MCM9: variants seen among roughly 807,000 people sequenced by gnomAD.
The protein encoded by MCM9 is minichromosome maintenance 9 homologous recombination repair factor.
MCM9 carries 55 observed loss-of-function variants against 72.8 expected under a neutral mutation model. The ratio of observed to expected loss-of-function variants is 0.76; its 90% CI spans 0.61 to 0.95. The LOEUF (loss-of-function observed/expected upper bound fraction) is 0.95, where lower values mean the gene tolerates loss of function less well. MCM9 is among the 40% of genes least tolerant of loss of function. The pLI, the probability that MCM9 is intolerant of heterozygous loss-of-function variation, is 0.00. For missense variants in MCM9, 1,279 were observed against 1,377.0 expected, an observed-to-expected ratio of 0.93 and a Z score of 1.13; for synonymous variants, 480 against 503.4, an observed-to-expected ratio of 0.95 and a Z score of 0.62.
intron 9 of MCM9, among the ~76,000 whole-genome samples, chr6:118,849,929 A>AT (rs1776117357): frequency 6.6e-6 from 1 of 151,912 alleles, no homozygotes; most frequent in Non-Finnish European, 1.5e-5. Flanking sequence ...ATGAATATCT[A>AT]TCAGGGATGG....
In MCM9 at chr6:118,815,756, C is replaced by G. The variant is rs1438947797; in HGVS notation, c.2500G>C (p.Asp834His). The G allele has an allele frequency of 6.5e-7, 1 of 1,542,600 alleles. No homozygotes were observed. Among genetic ancestry groups the G allele is most frequent in the Non-Finnish European group, 8.7e-7 (1 of 1,146,998 alleles). ...ALDSEAAVSA[D>H]KPDSVLTHHV... ...TGAGTCAGTACTGAGTCTGGTTTAT[C>G]AGCAGAGACTGCTGCTTCAGAATCT... Residue 834 changes from aspartate to histidine, a missense_variant, in exon 14 of 14, where the codon GAT (aspartate) becomes CAT (histidine). Coordinates refer to ENST00000619706, the MANE Select transcript of MCM9 (RefSeq NM_017696.3).
intron 3 of MCM9, among the ~76,000 whole-genome samples, chr6:118,930,096 TTTA>T (rs1782265421): frequency 1.0e-5 from 1 of 96,982 alleles, no homozygotes; most frequent in African/African-American, 3.1e-5. Context: ...TATTTATTTA[TTTA>T]TTTATTTATT....
intron 4 of MCM9, among the ~76,000 whole-genome samples, chr6:118,922,686 T>C (rs1038754117): frequency 3.9e-5 from 6 of 152,218 alleles, no homozygotes; most frequent in Non-Finnish European, 8.8e-5. Flanking sequence ...GTGATGGAGT[T>C]GTAGCCAGCA....
In MCM9 at chr6:118,935,084, C is replaced by T. The variant is rs1383763144; in HGVS notation, c.-343G>A. ...GTCGGGCGGCCTAGCGCCTGCGGCT[C>T]TGCCGGGCCTGCGCTCTCGACCGAC... On this transcript the variant is annotated 5_prime_UTR_variant, in exon 1 of 14. Coordinates refer to ENST00000619706, the MANE Select transcript of MCM9 (RefSeq NM_017696.3). 6.6e-6 allele frequency: 1 copy of T among 152,106 alleles called. No individual in the cohort carries two copies. The highest frequency in any genetic ancestry group is 1.5e-5 in the Non-Finnish European group (1 of 68,012). 9.4% of individuals were successfully genotyped at this position (152,106 alleles called of 1,614,324 possible).
intron 8 of MCM9, among the ~76,000 whole-genome samples, chr6:118,890,683 C>T (rs1778885965): frequency 6.6e-6 from 1 of 152,110 alleles, no homozygotes; most frequent in Non-Finnish European, 1.5e-5. Context: ...CAATTTACTC[C>T]ATTTAGAAAT....
At chr6:118,817,410 T>C (rs1415084063) in intron 13 of MCM9, among the ~76,000 whole-genome samples, 1 of 152,132 alleles carries the variant, frequency 6.6e-6, no homozygotes, top group Non-Finnish European at 1.5e-5. Context: ...GTTCCTGTGT[T>C]AGTTTGCTGA....
At chr6:118,890,258 T>C (rs1459039586) in intron 8 of MCM9, among the ~76,000 whole-genome samples, 2 of 152,194 alleles carry the variant, frequency 1.3e-5, no homozygotes, top group Non-Finnish European at 2.9e-5. Flanking sequence ...CTATTTTTTC[T>C]ACATACAAAG....
At chr6:118,845,042 G>A (rs537753998) in intron 9 of MCM9, among the ~76,000 whole-genome samples, 1 of 151,774 alleles carries the variant, frequency 6.6e-6, no homozygotes, top group African/African-American at 2.4e-5. Flanking sequence ...AACTAGCCAG[G>A]AGTCTAGAGT....
At chr6:118,848,175 A>G (rs1583422621) in intron 9 of MCM9, among the ~76,000 whole-genome samples, 1 of 151,900 alleles carries the variant, frequency 6.6e-6, no homozygotes, top group East Asian at 1.9e-4. Flanking sequence ...GAAGAATAGT[A>G]AGTAAATGCT....
intron 9 of MCM9, among the ~76,000 whole-genome samples, chr6:118,848,425 T>C (rs1006562513): frequency 3.3e-5 from 5 of 151,882 alleles, no homozygotes; most frequent in Non-Finnish European, 7.3e-5. Context: ...GCCCACAATC[T>C]GTTACAATAA....
intron 8 of MCM9, chr6:118,907,577 T>TA (rs1189831690): frequency 6.2e-7 from 1 of 1,613,548 alleles, no homozygotes; most frequent in Non-Finnish European, 8.5e-7. Context: ...GAAAACTCAC[T>TA]AAATGTCATG....
chr6:118,871,530 G>A (rs1777592318), intron 8 of MCM9, among the ~76,000 whole-genome samples: 1 of 152,192 alleles, frequency 6.6e-6, no homozygotes, highest in Non-Finnish European at 1.5e-5. Flanking sequence ...ACATACAATG[G>A]TGAAAAGTTG....
intron 8 of MCM9, among the ~76,000 whole-genome samples, chr6:118,896,817 CTTAAAA>C (rs1375200016): frequency 3.5e-5 from 5 of 143,780 alleles, no homozygotes; most frequent in African/African-American, 1.0e-4. Flanking sequence ...AAATTCTGTT[CTTAAAA>C]TTAAACTATA....
At chr6:118,874,884 C>T (rs891085653) in intron 8 of MCM9, among the ~76,000 whole-genome samples, 20 of 152,182 alleles carry the variant, frequency 1.3e-4, no homozygotes, top group African/African-American at 3.1e-4. Context: ...GAGGCTGAGG[C>T]GGGTGGATCA....
rs536948541 is a variant in MCM9 at position 118,825,350 on chromosome 6, G to A, written c.1961+797C>T. 4.6e-5 allele frequency among the ~76,000 whole-genome samples: 7 copies of A among 152,306 alleles called. No homozygotes were observed. In the South Asian group the frequency reaches 1.5e-3, roughly 32 times the overall value. The stretch of plus-strand genomic sequence containing the variant: ...AATGCCCATCCCCGCACTTCCCCAG[G>A]AAGGCTGTGCTGAAGTTTCAAAAAC... On this transcript the variant is annotated intron_variant, in intron 13 of 13. Coordinates refer to ENST00000619706, the MANE Select transcript of MCM9 (RefSeq NM_017696.3).
intron 11 of MCM9, 136 bp downstream of exon 11, chr6:118,827,791 G>T: frequency 1.3e-6 from 1 of 759,994 alleles, no homozygotes. Context: ...CTGGCTCAGA[G>T]CCTTTATTTT....
intron 8 of MCM9, among the ~76,000 whole-genome samples, chr6:118,874,624 C>G (rs1415856870): frequency 6.6e-6 from 1 of 152,120 alleles, no homozygotes; most frequent in Non-Finnish European, 1.5e-5. Context: ...AGTATACCGA[C>G]TGGGAAGGAA....
intron 8 of MCM9, among the ~76,000 whole-genome samples, chr6:118,867,487 G>C (rs1340802475): frequency 6.6e-6 from 1 of 152,098 alleles, no homozygotes; most frequent in East Asian, 1.9e-4. Flanking sequence ...GCAACTTCCA[G>C]TCCTGGAAGC....
intron 6 of MCM9, among the ~76,000 whole-genome samples, chr6:118,913,830 G>C (rs1435036213): frequency 6.6e-6 from 1 of 152,004 alleles, no homozygotes; most frequent in Non-Finnish European, 1.5e-5. Flanking sequence ...CTCACTCCTG[G>C]GCTCAAGCAA....
Sources: allele counts gnomAD v4.1 joint callset (sites outside exome capture counted in the v4.1 genomes callset), GRCh38; gene constraint gnomAD v4.1.1; transcripts MANE v1.5; gene names NCBI Gene and HGNC (gene_info 2026-07-23, HGNC 2026-07-21).